The following SEMA3A variants were observed in gnomAD, a reference collection of about 807,000 sequenced individuals.
SEMA3A encodes the protein semaphorin-3A.
A neutral mutation model predicts 97.9 loss-of-function variants in SEMA3A; 29 were observed. The observed-to-expected ratio is 0.30, with a 90% CI of 0.22 to 0.40. The LOEUF (loss-of-function observed/expected upper bound fraction) is 0.40. Among genes scored for constraint, SEMA3A ranks in the 10% least tolerant of loss-of-function variants. The pLI is 1.00. For synonymous variants in SEMA3A, 321 were observed against 323.7 expected (o/e 0.99, Z 0.09); for missense variants, 763 against 951.3 (o/e 0.80, Z 2.60).
intron 1 of SEMA3A, among the ~76,000 whole-genome samples, chr7:84,143,277 G>GA (rs1261799225): frequency 1.3e-5 from 2 of 151,392 alleles, no homozygotes; most frequent in African/African-American, 2.4e-5. Context: ...TTCATGAAAA[G>GA]AAAAAAAGAT....
intron 1 of SEMA3A, among the ~76,000 whole-genome samples, chr7:84,191,034 G>GTTTAA (rs1209362774): frequency 2.7e-5 from 4 of 150,298 alleles, no homozygotes; most frequent in Non-Finnish European, 4.5e-5. Context: ...AAGACAAGAA[G>GTTTAA]TTTAATTAGA....
intron 3 of SEMA3A, among the ~76,000 whole-genome samples, chr7:84,200,796 T>C (rs1798335716): frequency 9.2e-6 from 1 of 108,448 alleles, no homozygotes; most frequent in African/African-American, 3.4e-5. Flanking sequence ...GGGTTTTTTT[T>C]CCTTTTTTTT....
intron 3 of SEMA3A, among the ~76,000 whole-genome samples, chr7:84,244,508 A>T (rs1485026667): frequency 1.4e-4 from 22 of 152,150 alleles, no homozygotes. Flanking sequence ...GGTGTCTTAA[A>T]TAGAGCACAC....
intron 3 of SEMA3A, among the ~76,000 whole-genome samples, chr7:84,238,251 G>C (rs912073749): frequency 6.6e-6 from 1 of 152,004 alleles, no homozygotes; most frequent in Non-Finnish European, 1.5e-5. Flanking sequence ...ATTTTTAGTA[G>C]AGACAAGATT....
chr7:84,207,146 G>A (rs1293551971), intron 3 of SEMA3A, among the ~76,000 whole-genome samples: 4 of 152,110 alleles, frequency 2.6e-5, no homozygotes, highest in African/African-American at 7.2e-5. Flanking sequence ...TGCTTTAATC[G>A]AGAGACCTCT....
At position 84,011,016 on chromosome 7, in the gene SEMA3A, A is replaced by G; in HGVS notation, c.995+6T>C. 1 of 1,588,730 alleles carries G rather than the reference A, an allele frequency of 6.3e-7. No individual in the cohort carries two copies. The highest frequency in any genetic ancestry group is 8.6e-7 in the Non-Finnish European group (1 of 1,162,610). On this transcript the variant is annotated splice_donor_region_variant and intron_variant, in intron 9 of 16. Coordinates refer to ENST00000265362, the MANE Select transcript of SEMA3A (RefSeq NM_006080.3). ...GTTTCTATAAGGTAGTTAAAAAGTTACTTACCTGGAAGTCGTAAACACTCC... is the reference window on the plus strand; with the variant it reads ...GTTTCTATAAGGTAGTTAAAAAGTTGCTTACCTGGAAGTCGTAAACACTCC...
intron 1 of SEMA3A, among the ~76,000 whole-genome samples, chr7:84,150,329 CG>C (rs953875523): frequency 6.6e-6 from 1 of 152,116 alleles, no homozygotes; most frequent in African/African-American, 2.4e-5. Context: ...TCTGAGGTAC[CG>C]GGTTCATCTC....
chr7:84,380,447 C>T (rs1803228705), intron 1 of SEMA3A, among the ~76,000 whole-genome samples: 1 of 152,090 alleles, frequency 6.6e-6, no homozygotes, highest in South Asian at 2.1e-4. Flanking sequence ...TACAGGAAAA[C>T]TCTGAGTACT....
intron 4 of SEMA3A, among the ~76,000 whole-genome samples, chr7:84,061,422 A>G (rs1379712893): frequency 6.6e-6 from 1 of 152,190 alleles, no homozygotes; most frequent in African/African-American, 2.4e-5. Flanking sequence ...TGCACTCTAT[A>G]TGTGACAGTG....
At chr7:84,470,528 G>A (rs1483021695) in intron 1 of SEMA3A, among the ~76,000 whole-genome samples, 2 of 152,172 alleles carry the variant, frequency 1.3e-5, no homozygotes, top group East Asian at 3.9e-4. Context: ...CTTTGTGCAT[G>A]GGTCTTACCT....
chr7:84,263,534 A>G (rs1303797107), intron 3 of SEMA3A, among the ~76,000 whole-genome samples: 1 of 152,232 alleles, frequency 6.6e-6, no homozygotes, highest in African/African-American at 2.4e-5. Flanking sequence ...CCTAATGCAC[A>G]GTGTTGTTGT....
intron 3 of SEMA3A, among the ~76,000 whole-genome samples, chr7:84,296,169 T>C (rs940797060): frequency 6.6e-6 from 1 of 152,126 alleles, no homozygotes; most frequent in Non-Finnish European, 1.5e-5. Context: ...GTAGCTGGGA[T>C]TAGTGTAAAA....
intron 2 of SEMA3A, among the ~76,000 whole-genome samples, chr7:84,343,441 G>T (rs528186480): frequency 2.0e-5 from 3 of 152,272 alleles, no homozygotes; most frequent in Non-Finnish European, 4.4e-5. Context: ...AATTGCCTAT[G>T]ACTGCATTAA....
At chr7:84,135,602 A>T (rs2116048076) in intron 1 of SEMA3A, among the ~76,000 whole-genome samples, 1 of 152,332 alleles carries the variant, frequency 6.6e-6, no homozygotes, top group Admixed American at 6.5e-5. Context: ...AAAACTTTTT[A>T]AAAGTGGTTT....
chr7:84,000,624 C>T (rs1454570465), intron 12 of SEMA3A, among the ~76,000 whole-genome samples: 3 of 151,976 alleles, frequency 2.0e-5, no homozygotes, highest in African/African-American at 7.2e-5. Flanking sequence ...TGGTGGAGCT[C>T]AGAGGGATGG....
intron 1 of SEMA3A, among the ~76,000 whole-genome samples, chr7:84,155,860 T>C (rs188450496): frequency 6.6e-6 from 1 of 152,226 alleles, no homozygotes; most frequent in Admixed American, 6.5e-5. Context: ...GAAAGCTCAG[T>C]TTTTGCTCAG....
intron 3 of SEMA3A, among the ~76,000 whole-genome samples, chr7:84,210,802 C>T (rs1798607801): frequency 6.6e-6 from 1 of 151,812 alleles, no homozygotes; most frequent in East Asian, 1.9e-4. Context: ...ACAATATACA[C>T]CATGTTTCTT....
At chr7:84,071,502 T>C (rs921184578) in intron 4 of SEMA3A, among the ~76,000 whole-genome samples, 2 of 152,114 alleles carry the variant, frequency 1.3e-5, no homozygotes, top group African/African-American at 4.8e-5. Context: ...GAAAAAATAC[T>C]CACTCTATTT....
chr7:84,237,319 T>C (rs956696199), intron 3 of SEMA3A, among the ~76,000 whole-genome samples: 13 of 152,126 alleles, frequency 8.5e-5, no homozygotes, highest in African/African-American at 3.1e-4. Flanking sequence ...TATCAACAGG[T>C]AAATTTCATT....
Sources: gnomAD v4.1 joint callset for allele counts (sites outside exome capture counted in the v4.1 genomes callset) on GRCh38, gnomAD v4.1.1 for gene constraint, MANE v1.5 for transcripts, NCBI Gene and HGNC (gene_info 2026-07-23, HGNC 2026-07-21) for gene names.